PTPN9: variants seen among roughly 807,000 people sequenced by gnomAD.
PTPN9 encodes the protein protein tyrosine phosphatase non-receptor type 9.
A neutral mutation model predicts 69.8 loss-of-function variants in PTPN9; 26 were observed. The observed-to-expected ratio is 0.37, with a 90% CI of 0.27 to 0.52. The LOEUF (loss-of-function observed/expected upper bound fraction) is 0.52, where lower values mean the gene tolerates loss of function less well. Ranked by LOEUF, PTPN9 falls within the 20% of genes least tolerant of loss-of-function variation. The pLI is 0.91. For synonymous variants in PTPN9, 274 were observed against 272.5 expected, an observed-to-expected ratio of 1.01 and a Z score of -0.05; for missense variants, 549 against 740.3, an observed-to-expected ratio of 0.74 and a Z score of 3.00.
At chr15:75,498,781 A>G (rs1390911905) in intron 7 of PTPN9, among the ~76,000 whole-genome samples, 1 of 152,174 alleles carries the variant, frequency 6.6e-6, no homozygotes, top group Non-Finnish European at 1.5e-5. Flanking sequence ...GATCAAGTGT[A>G]AAATAAAAAT....
At chr15:75,578,240 C>T (rs1266017994) in intron 1 of PTPN9, among the ~76,000 whole-genome samples, 1 of 152,184 alleles carries the variant, frequency 6.6e-6, no homozygotes, top group Admixed American at 6.5e-5. Context: ...TCTAGGGCAT[C>T]TATGCATCCA....
rs1567460001 is a variant in PTPN9 at position 75,470,640 on chromosome 15, C to G, written c.1359+40G>C. The G allele has an allele frequency of 4.4e-6, 7 of 1,595,334 alleles. No individual in the cohort carries two copies. In the East Asian group the frequency reaches 1.3e-4, roughly 31 times the overall value. ...TTTTCATTACAGTAATTATTCTCCC[C>G]CTGTTTCAACAAGGTGAGAAAAAAG... On this transcript the variant is annotated intron_variant, in intron 11 of 12. Transcript: ENST00000618819.
chr15:75,564,572 C>G (rs867983582), intron 1 of PTPN9, among the ~76,000 whole-genome samples: 5 of 150,468 alleles, frequency 3.3e-5, no homozygotes, highest in South Asian at 2.1e-4. Context: ...TCCAGCCTGG[C>G]CGACAGAGTG....
chr15:75,505,928 C>T lies in PTPN9; in HGVS notation c.715G>A (p.Val239Ile), dbSNP rs530559093. 26 of 1,613,960 alleles carry T rather than the reference C, an allele frequency of 1.6e-5. No individual in the cohort carries two copies. The highest frequency in any genetic ancestry group is 1.1e-4 in the South Asian group (10 of 91,076). The change falls in exon 7 of 13, where the codon GTC becomes ATC. Residue 239 changes from valine (V) to isoleucine (I), a missense_variant. Physicochemically the swap from Val to Ile is conservative, Grantham distance 29. Transcript: ENST00000618819. ...TTCCAAGTGGCGAGATCAATTTTGA[C>T]GTACCCACCCAGGTTTTCTGGAAGA... Reference protein sequence around the residue: ...ECLPENLGGYVKIDLATWNFQ... With the variant: ...ECLPENLGGYIKIDLATWNFQ...
intron 1 of PTPN9, among the ~76,000 whole-genome samples, chr15:75,531,886 C>A (rs1352649516): frequency 6.6e-6 from 1 of 152,098 alleles, no homozygotes; most frequent in Admixed American, 6.6e-5. Context: ...TTTTAATTAA[C>A]CTATTATCCT....
intron 6 of PTPN9, 69 bp from the exon 7 acceptor site, chr15:75,506,072 A>T (rs1205433430): frequency 8.0e-7 from 1 of 1,243,322 alleles, no homozygotes; most frequent in Non-Finnish European, 1.1e-6. Context: ...ACAAAGAATA[A>T]ATGTATTTAT....
intron 1 of PTPN9, among the ~76,000 whole-genome samples, chr15:75,543,675 T>C (rs1417294370): frequency 6.6e-6 from 1 of 152,216 alleles, no homozygotes; most frequent in East Asian, 1.9e-4. Flanking sequence ...AGATTAATAT[T>C]TTCCATATTC....
Position 75,468,736 on chromosome 15 carries a change from G to C in PTPN9, c.*33C>G, listed in dbSNP as rs2074548559. The C allele has an allele frequency of 6.3e-7, 1 of 1,599,252 alleles. No homozygotes were observed. The highest frequency in any genetic ancestry group is 1.1e-5 in the South Asian group (1 of 89,786). ...GCGGTGTCCAGGGTAGTTTAAGGAA[G>C]GCTGGCCAACAGGTAGGAGGTTCGT... On this transcript the variant is annotated 3_prime_UTR_variant, in exon 13 of 13. Coordinates refer to ENST00000618819, the MANE Select transcript of PTPN9 (RefSeq NM_002833.4).
chr15:75,488,564 G>A (rs1328075072), intron 8 of PTPN9, among the ~76,000 whole-genome samples: 4 of 151,846 alleles, frequency 2.6e-5, no homozygotes, highest in African/African-American at 9.7e-5. Flanking sequence ...GGGAGGCCAA[G>A]GTGAGAGGAT....
chr15:75,550,653 G>C (rs969844318), intron 1 of PTPN9, among the ~76,000 whole-genome samples: 72 of 151,892 alleles, frequency 4.7e-4, no homozygotes, highest in Non-Finnish European at 5.9e-5. Flanking sequence ...TGGGTGTAGT[G>C]GCGCATGCCT....
chr15:75,521,853 T>C (rs2074906598), intron 4 of PTPN9, among the ~76,000 whole-genome samples: 1 of 152,122 alleles, frequency 6.6e-6, no homozygotes, highest in South Asian at 2.1e-4. Context: ...CCTACAGAGA[T>C]TCGGATGTTA....
Position 75,531,906 on chromosome 15 carries a change from G to A in PTPN9, c.64-4645C>T, listed in dbSNP as rs374780288. Among the ~76,000 whole-genome samples the A allele has an allele frequency of 5.9e-5, 9 of 152,234 alleles. No homozygotes were observed. The South Asian group carries it at 1.9e-3, about 32-fold the overall frequency. On this transcript the variant is annotated intron_variant, in intron 1 of 12. Coordinates refer to ENST00000618819, the MANE Select transcript of PTPN9 (RefSeq NM_002833.4). ...ATTAACCTATTATCCTTTAAATACA[G>A]TTCTCTAGTGGGCCTCTCTGATGTT...
chr15:75,543,768 AG>A (rs1387253231), intron 1 of PTPN9, among the ~76,000 whole-genome samples: 4 of 152,224 alleles, frequency 2.6e-5, no homozygotes, highest in African/African-American at 9.6e-5. Flanking sequence ...AGTTTTATAT[AG>A]CCTTTAACTA....
chr15:75,490,816 G>A (rs905130489), intron 7 of PTPN9, among the ~76,000 whole-genome samples: 15 of 152,090 alleles, frequency 9.9e-5, no homozygotes, highest in African/African-American at 3.1e-4. Context: ...TAGTAGAGAC[G>A]GGGTTTCACC....
At position 75,505,251 on chromosome 15, in the gene PTPN9, T is replaced by C. The variant is rs559642328; in HGVS notation, c.968+424A>G. Among the ~76,000 whole-genome samples, 78 of 149,932 alleles carry C rather than the reference T, an allele frequency of 5.2e-4. No homozygotes were observed. The East Asian group carries it at 8.2e-3, about 16-fold the overall frequency. ...AGATGTGCTTTGTTAAACAGATGCT[T>C]GAAGGCAGCATGCTCGTTAAGAATC... On this transcript the variant is annotated intron_variant, in intron 7 of 12. Coordinates refer to ENST00000618819, the MANE Select transcript of PTPN9 (RefSeq NM_002833.4).
chr15:75,469,748 C>T (rs1171756573), intron 12 of PTPN9, 44 bp downstream of exon 12: 1 of 1,590,552 alleles, frequency 6.3e-7, no homozygotes, highest in Middle Eastern at 2.3e-4. Flanking sequence ...CTCGTCCACC[C>T]CTACTGCCCC....
intron 1 of PTPN9, among the ~76,000 whole-genome samples, chr15:75,578,268 C>T (rs907729105): frequency 6.6e-6 from 1 of 152,204 alleles, no homozygotes; most frequent in Non-Finnish European, 1.5e-5. Flanking sequence ...CAGCCCTCTC[C>T]TCGGGAAGGG....
rs1459587575 is a variant in PTPN9 at position 75,480,370 on chromosome 15, C to T, written c.1063-456G>A. Among the ~76,000 whole-genome samples the T allele has an allele frequency of 2.0e-5, 3 of 152,176 alleles. No homozygotes were observed. In the East Asian group the frequency reaches 5.8e-4, roughly 29 times the overall value. On this transcript the variant is annotated intron_variant, in intron 8 of 12. Transcript: ENST00000618819. ...CTGTAATCCCAGCACTTTGGGAGGC[C>T]GAGGAGGGTGGATCACGAGGTCAGG... is the stretch of plus-strand genomic sequence containing the variant.
chr15:75,470,737 T>C lies in PTPN9; in HGVS notation c.1302A>G (p.Leu434=). Residue 434 remains leucine, a synonymous_variant, in exon 11 of 13, where the codon CTA becomes CTG. Coordinates refer to ENST00000618819, the MANE Select transcript of PTPN9 (RefSeq NM_002833.4). ...IRFGFLTVTN[L]GVENMNHYKK... ...TATAATGATTCATGTTCTCCACGCCTAGATTGGTCACTGTGAGGAAGCCAA... is the reference window on the plus strand; with the variant it reads ...TATAATGATTCATGTTCTCCACGCCCAGATTGGTCACTGTGAGGAAGCCAA... 2 of 1,614,230 alleles carry C rather than the reference T, an allele frequency of 1.2e-6. No homozygotes were observed. The highest frequency in any genetic ancestry group is 1.7e-6 in the Non-Finnish European group (2 of 1,180,024).
Sources: allele counts gnomAD v4.1 joint callset (sites outside exome capture counted in the v4.1 genomes callset), GRCh38; gene constraint gnomAD v4.1.1; transcripts MANE v1.5; gene names NCBI Gene and HGNC (gene_info 2026-07-23, HGNC 2026-07-21).